The following CIMIP4 variants were observed in gnomAD, a reference collection of about 807,000 sequenced individuals.
The protein encoded by CIMIP4 is protein EAN57.
At chr22:36,994,556 A>C in the CIMIP4 span, among the ~76,000 whole-genome samples, 27 of 151,384 alleles carry the variant, frequency 1.8e-4, no homozygotes, top group African/African-American at 6.1e-4. Context: ...TTTAGTAGAT[A>C]TAGGGTTTCA....
At chr22:37,006,397 A>G in the CIMIP4 span, among the ~76,000 whole-genome samples, 1 of 152,226 alleles carries the variant, frequency 6.6e-6, no homozygotes, top group African/African-American at 2.4e-5. Flanking sequence ...GCTATGGAAC[A>G]TTGACTCCAT....
the CIMIP4 span, among the ~76,000 whole-genome samples, chr22:36,995,759 G>A: frequency 2.0e-5 from 3 of 152,234 alleles, no homozygotes; most frequent in East Asian, 5.8e-4. Flanking sequence ...CGTGTAAGAC[G>A]TGCCTTTCAC....
At chr22:36,991,320 G>T in the CIMIP4 span, 2 of 1,605,704 alleles carry the variant, frequency 1.2e-6, no homozygotes, top group Non-Finnish European at 1.7e-6. Flanking sequence ...AGATCATCTG[G>T]CAGTCTCTGG....
At chr22:37,002,021 G>C in the CIMIP4 span, 2 of 1,612,320 alleles carry the variant, frequency 1.2e-6, no homozygotes, top group Non-Finnish European at 8.5e-7. Flanking sequence ...GTTCTCTCTC[G>C]AGGAGGATCG....
the CIMIP4 span, chr22:36,999,946 T>C: frequency 6.2e-7 from 1 of 1,613,852 alleles, no homozygotes; most frequent in South Asian, 1.1e-5. Context: ...AGCTTGCCCT[T>C]TTCTGGCCCT....
the CIMIP4 span, chr22:37,002,214 T>G: frequency 1.3e-5 from 19 of 1,470,738 alleles, no homozygotes; most frequent in Admixed American, 4.9e-4. Context: ...AACTTGGAGG[T>G]GTCCAAGGAA....
At chr22:36,992,224 G>A in the CIMIP4 span, among the ~76,000 whole-genome samples, 8 of 152,248 alleles carry the variant, frequency 5.3e-5, no homozygotes, top group East Asian at 1.5e-3. Flanking sequence ...GCGGGCTCCT[G>A]TAATCCCAGC....
At chr22:37,005,438 G>A in the CIMIP4 span, among the ~76,000 whole-genome samples, 1 of 152,198 alleles carries the variant, frequency 6.6e-6, no homozygotes, top group Non-Finnish European at 1.5e-5. Context: ...CTAACAGTGG[G>A]GTGTTGCTAT....
the CIMIP4 span, among the ~76,000 whole-genome samples, chr22:37,003,297 G>A: frequency 6.6e-6 from 1 of 152,300 alleles, no homozygotes; most frequent in South Asian, 2.1e-4. Flanking sequence ...AAGCCCCTGG[G>A]CATTCAGGTC....
At chr22:36,997,439 C>T in the CIMIP4 span, among the ~76,000 whole-genome samples, 2 of 152,160 alleles carry the variant, frequency 1.3e-5, no homozygotes, top group Admixed American at 1.3e-4. Context: ...TATTCATTAG[C>T]ATATTCTTTT....
At chr22:36,994,309 GTTATTA>G in the CIMIP4 span, among the ~76,000 whole-genome samples, 3 of 151,854 alleles carry the variant, frequency 2.0e-5, no homozygotes, top group East Asian at 1.9e-4. Flanking sequence ...CCAAGAGATT[GTTATTA>G]TTATTATTAT....
chr22:37,002,075 A>G, the CIMIP4 span: 45 of 1,604,192 alleles, frequency 2.8e-5, no homozygotes, highest in Non-Finnish European at 3.5e-5. Flanking sequence ...GTCCATGCCC[A>G]GAGAATCCCT....
the CIMIP4 span, among the ~76,000 whole-genome samples, chr22:36,995,224 A>G: frequency 6.6e-6 from 1 of 152,198 alleles, no homozygotes; most frequent in African/African-American, 2.4e-5. Context: ...CAGAGGGAAA[A>G]GGACAGGACG....
chr22:37,000,073 G>C, the CIMIP4 span: 1 of 1,489,236 alleles, frequency 6.7e-7, no homozygotes, highest in Non-Finnish European at 9.0e-7. Flanking sequence ...CCTTGACCCT[G>C]CCCTCCCCAC....
chr22:37,001,998 C>T, the CIMIP4 span: 1 of 1,613,846 alleles, frequency 6.2e-7, no homozygotes, highest in Non-Finnish European at 8.5e-7. Context: ...GCCCCCTCTC[C>T]CGAGGTGGCC....
the CIMIP4 span, among the ~76,000 whole-genome samples, chr22:37,003,612 C>A: frequency 4.6e-5 from 7 of 152,186 alleles, no homozygotes; most frequent in Admixed American, 3.3e-4. Context: ...TCACGTGTAA[C>A]CCCATATATA....
chr22:36,996,445 A>G, the CIMIP4 span, among the ~76,000 whole-genome samples: 1 of 149,492 alleles, frequency 6.7e-6, no homozygotes, highest in African/African-American at 2.5e-5. Context: ...CAGCAAAAAA[A>G]GAGATTCTCC....
At chr22:36,991,531 T>G in the CIMIP4 span, 7 of 1,614,160 alleles carry the variant, frequency 4.3e-6, no homozygotes, top group Non-Finnish European at 5.9e-6. Flanking sequence ...CCTCACTGAT[T>G]TCTCAATGAC....
At chr22:37,003,502 AG>A in the CIMIP4 span, among the ~76,000 whole-genome samples, 1 of 152,132 alleles carries the variant, frequency 6.6e-6, no homozygotes, top group African/African-American at 2.4e-5. Context: ...ACTCCACAAA[AG>A]TGCCAGCCGT....
Sources: allele counts gnomAD v4.1 joint callset (sites outside exome capture counted in the v4.1 genomes callset), GRCh38; gene constraint gnomAD v4.1.1; transcripts MANE v1.5; gene names NCBI Gene and HGNC (gene_info 2026-07-23, HGNC 2026-07-21).